MAGI2: variants seen among roughly 807,000 people sequenced by gnomAD.
The protein encoded by MAGI2 is membrane-associated guanylate kinase, WW and PDZ domain-containing protein 2.
A neutral mutation model predicts 133.3 loss-of-function variants in MAGI2; 35 were observed. That is an observed-to-expected ratio of 0.26 (90% CI 0.20 to 0.35). The LOEUF (loss-of-function observed/expected upper bound fraction) is 0.35, where lower values mean the gene tolerates loss of function less well. Ranked by LOEUF, MAGI2 falls within the 10% of genes least tolerant of loss-of-function variation. The pLI, the probability that MAGI2 is intolerant of heterozygous loss-of-function variation, is 1.00. For synonymous variants in MAGI2, 729 were observed against 710.6 expected (o/e 1.03, Z -0.41); for missense variants, 1,636 against 1,863.4 (o/e 0.88, Z 2.25).
At chr7:78,848,337 A>G (rs1433684839) in intron 2 of MAGI2, among the ~76,000 whole-genome samples, 1 of 151,938 alleles carries the variant, frequency 6.6e-6, no homozygotes, top group East Asian at 1.9e-4. Flanking sequence ...TCATCTGCCC[A>G]GGGACATCAC....
chr7:78,034,889 T>C (rs1372906883), intron 21 of MAGI2: 1 of 152,248 alleles, frequency 6.6e-6, no homozygotes, highest in Non-Finnish European at 1.5e-5. Flanking sequence ...ATCAGCCATA[T>C]AATTCTGACT....
At chr7:78,667,645 GTTT>G (rs962872461) in intron 2 of MAGI2, among the ~76,000 whole-genome samples, 2,260 of 150,930 alleles carry the variant, frequency 0.015, 63 homozygotes, top group African/African-American at 0.052. Flanking sequence ...GCAGTGTTTG[GTTT>G]TTTGTCCTTG....
chr7:78,833,167 CTG>C (rs575706300), intron 2 of MAGI2, among the ~76,000 whole-genome samples: 1 of 152,172 alleles, frequency 6.6e-6, no homozygotes, highest in African/African-American at 2.4e-5. Context: ...TATGGAAAGA[CTG>C]TGTTTCTGTT....
intron 6 of MAGI2, among the ~76,000 whole-genome samples, chr7:78,414,791 T>C (rs1255861885): frequency 6.6e-6 from 1 of 152,102 alleles, no homozygotes; most frequent in East Asian, 1.9e-4. Flanking sequence ...AAAAATAGGC[T>C]TGACAACTGT....
At chr7:78,862,072 C>T (rs1794193494) in intron 2 of MAGI2, among the ~76,000 whole-genome samples, 1 of 152,196 alleles carries the variant, frequency 6.6e-6, no homozygotes. Flanking sequence ...TCCTGTGCCA[C>T]ATATATTACT....
chr7:78,168,550 T>C (rs1825834092), intron 14 of MAGI2, among the ~76,000 whole-genome samples: 1 of 152,164 alleles, frequency 6.6e-6, no homozygotes, highest in Non-Finnish European at 1.5e-5. Flanking sequence ...TGAAACAAGG[T>C]GAGGATTGAA....
chr7:78,375,986 C>T (rs1010443530), intron 6 of MAGI2, among the ~76,000 whole-genome samples: 2 of 152,060 alleles, frequency 1.3e-5, no homozygotes, highest in Non-Finnish European at 2.9e-5. Context: ...ATATCTTTGT[C>T]TCTTTTTTCC....
In MAGI2 at chr7:78,019,171, G is replaced by A; in HGVS notation, c.*144C>T. ...GATGCCGCCCAAGCACACCGGACAC[G>A]TGGGACTTCACGTCGATGCTCCCAG... On this transcript the variant is annotated 3_prime_UTR_variant, in exon 22 of 22. Transcript: ENST00000354212. The A allele has an allele frequency of 1.0e-6, 1 of 954,068 alleles. No homozygotes were observed. The highest frequency in any genetic ancestry group is 1.6e-6 in the Non-Finnish European group (1 of 644,152). The allele number at this position is 954,068 out of a possible 1,614,324, so 59.1% of individuals were successfully genotyped here. A position where few individuals can be genotyped will look rare whatever the true frequency, so the allele number is the denominator to read the frequency against.
At chr7:78,848,115 C>T (rs1470786719) in intron 2 of MAGI2, among the ~76,000 whole-genome samples, 1 of 151,868 alleles carries the variant, frequency 6.6e-6, no homozygotes, top group Non-Finnish European at 1.5e-5. Context: ...CCTGAACTCT[C>T]TCTATTTGGC....
At chr7:79,207,275 A>G (rs2129552371) in intron 1 of MAGI2, among the ~76,000 whole-genome samples, 1 of 152,066 alleles carries the variant, frequency 6.6e-6, no homozygotes, top group Middle Eastern at 3.4e-3. Context: ...GCAATAAGTT[A>G]AGTTGTCCCT....
At chr7:79,175,022 C>T (rs974767487) in intron 1 of MAGI2, among the ~76,000 whole-genome samples, 1 of 151,776 alleles carries the variant, frequency 6.6e-6, no homozygotes, top group Non-Finnish European at 1.5e-5. Flanking sequence ...AAGAAGTTGT[C>T]TGAAATATGC....
At chr7:79,295,251 A>G (rs1171741249) in intron 1 of MAGI2, among the ~76,000 whole-genome samples, 2 of 152,200 alleles carry the variant, frequency 1.3e-5, no homozygotes, top group African/African-American at 4.8e-5. Context: ...AGCTAATTTT[A>G]TATGTCCTCA....
chr7:78,827,883 CTTATT>C (rs1313071487), intron 2 of MAGI2, among the ~76,000 whole-genome samples: 1 of 151,950 alleles, frequency 6.6e-6, no homozygotes, highest in Non-Finnish European at 1.5e-5. Flanking sequence ...CTCCCCACCT[CTTATT>C]TTATTTTATT....
At chr7:79,339,464 G>GTTTTTTTTTTTTTTTTTTT (rs71095397) in intron 1 of MAGI2, among the ~76,000 whole-genome samples, 2 of 134,550 alleles carry the variant, frequency 1.5e-5, no homozygotes, top group African/African-American at 2.7e-5. Context: ...TTTTGTTTTT[G>GTTTTTTTTTTTTTTTTTTT]TTTTTTTTTT....
chr7:78,669,251 C>T (rs1178365137), intron 2 of MAGI2, among the ~76,000 whole-genome samples: 2 of 151,998 alleles, frequency 1.3e-5, no homozygotes, highest in African/African-American at 2.4e-5. Flanking sequence ...CACCACCGAT[C>T]CCACAGAAAT....
rs189808183 is a variant in MAGI2, at chr7:78,169,471, C to T, written c.2404-1363G>A. ...TGCAGAGTTGCTCCATCATGACCTT[C>T]GGGCTTGCCTTTGTACTTAGTCTCA... On this transcript the variant is annotated intron_variant, in intron 14 of 21. Coordinates refer to ENST00000354212, the MANE Select transcript of MAGI2 (RefSeq NM_012301.4). Among the ~76,000 whole-genome samples, 9 of 8,264 alleles carry T rather than the reference C, an allele frequency of 1.1e-3. 1 individual carries two copies. In the East Asian group the frequency reaches 0.024, roughly 22 times the overall value. 5.4% of individuals were successfully genotyped at this position (8,264 alleles called of 152,430 possible). A position where few individuals can be genotyped will look rare whatever the true frequency, so the allele number is the denominator to read the frequency against.
intron 1 of MAGI2, among the ~76,000 whole-genome samples, chr7:79,113,931 T>C (rs1819166312): frequency 6.6e-6 from 1 of 152,178 alleles, no homozygotes. Context: ...GCCCTGACCA[T>C]GGAACAGTAT....
intron 2 of MAGI2, among the ~76,000 whole-genome samples, chr7:78,695,447 C>G (rs1332351677): frequency 2.0e-5 from 3 of 152,116 alleles, no homozygotes; most frequent in Non-Finnish European, 4.4e-5. Flanking sequence ...GTGTATTCCT[C>G]CTTTCACAGA....
chr7:78,283,234 CTCAAGAG>C (rs1371146826), intron 9 of MAGI2, among the ~76,000 whole-genome samples: 1 of 152,098 alleles, frequency 6.6e-6, no homozygotes, highest in East Asian at 1.9e-4. Flanking sequence ...AATTACGTAT[CTCAAGAG>C]TCAAAGCTTG....
Sources: gnomAD v4.1 joint callset for allele counts (sites outside exome capture counted in the v4.1 genomes callset) on GRCh38, gnomAD v4.1.1 for gene constraint, MANE v1.5 for transcripts, NCBI Gene and HGNC (gene_info 2026-07-23, HGNC 2026-07-21) for gene names.